SEPTIN2: variants seen among roughly 807,000 people sequenced by gnomAD.
SEPTIN2 encodes the protein septin 2.
SEPTIN2 carries 34 observed loss-of-function variants against 46.5 expected under a neutral mutation model. The observed-to-expected ratio is 0.73, with a 90% CI of 0.56 to 0.97. SEPTIN2 has a LOEUF of 0.97. Ranked by LOEUF, SEPTIN2 falls within the 50% of genes least tolerant of loss-of-function variation. The pLI is 0.00. For synonymous variants in SEPTIN2, 175 were observed against 153.4 expected, an observed-to-expected ratio of 1.14 and a Z score of -1.04; for missense variants, 347 against 448.4, an observed-to-expected ratio of 0.77 and a Z score of 2.04.
chr2:241,348,690 G>C (rs1160288275), intron 11 of SEPTIN2, among the ~76,000 whole-genome samples: 1 of 151,858 alleles, frequency 6.6e-6, no homozygotes, highest in East Asian at 1.9e-4. Flanking sequence ...AATAAACATG[G>C]ATATTTACAT....
intron 7 of SEPTIN2, 122 bp downstream of exon 7, chr2:241,337,912 T>A: frequency 1.6e-6 from 1 of 609,552 alleles, no homozygotes; most frequent in Non-Finnish European, 2.8e-6. Context: ...GGAGAATTTT[T>A]CCTGCATTTT....
chr2:241,342,623 C>T (rs2081412138), intron 7 of SEPTIN2, among the ~76,000 whole-genome samples: 2 of 150,426 alleles, frequency 1.3e-5, no homozygotes, highest in Admixed American at 1.3e-4. Context: ...GCAAGCTCCG[C>T]CTCCCGGGTT....
intron 1 of SEPTIN2, among the ~76,000 whole-genome samples, chr2:241,319,046 CT>C (rs561155769): frequency 3.9e-5 from 6 of 152,078 alleles, no homozygotes; most frequent in African/African-American, 7.2e-5. Context: ...AAAGTGTTTT[CT>C]TTTGATTTTC....
chr2:241,338,982 ATATATT>A (rs1372305257), intron 7 of SEPTIN2, among the ~76,000 whole-genome samples: 2 of 110,866 alleles, frequency 1.8e-5, no homozygotes, highest in Non-Finnish European at 3.3e-5. Context: ...TAATATATAA[ATATATT>A]TATAAATATA....
At chr2:241,327,631 A>G (rs1304402463) in intron 3 of SEPTIN2, among the ~76,000 whole-genome samples, 1 of 152,006 alleles carries the variant, frequency 6.6e-6, no homozygotes, top group Non-Finnish European at 1.5e-5. Context: ...AAACTACACC[A>G]GGACGCATCA....
At chr2:241,334,670 C>T (rs918721862) in intron 3 of SEPTIN2, among the ~76,000 whole-genome samples, 3 of 152,164 alleles carry the variant, frequency 2.0e-5, no homozygotes, top group Non-Finnish European at 2.9e-5. Flanking sequence ...CCTGCTCACA[C>T]GTTTCTGCAG....
chr2:241,315,774 C>G (rs541041365), upstream of SEPTIN2: 1 of 152,532 alleles, frequency 6.6e-6, no homozygotes, highest in African/African-American at 2.4e-5. Flanking sequence ...GGCTTGCGCA[C>G]TCGGAAGCCG....
rs1134941 is a variant in SEPTIN2, at chr2:241,315,963, G to A, written c.-37G>A. On this transcript the variant is annotated 5_prime_UTR_variant, in exon 1 of 13. Coordinates refer to ENST00000391971, the MANE Select transcript of SEPTIN2 (RefSeq NM_004404.5). Reference sequence around the variant, plus strand: ...TCCGCGGCGCGGTCGGTCGGCGCCTGTTCTCGGGCTGTTTGGCGGGTGAGT... The same window carrying A: ...TCCGCGGCGCGGTCGGTCGGCGCCTATTCTCGGGCTGTTTGGCGGGTGAGT... 0.46 allele frequency: 70,636 copies of A among 152,120 alleles called. 16,748 individuals carry two copies. The highest frequency in any genetic ancestry group is 0.58 in the Admixed American group (8,838 of 15,284). 9.4% of individuals were successfully genotyped at this position (152,120 alleles called of 1,614,324 possible).
chr2:241,323,026 A>T (rs531148863), intron 1 of SEPTIN2, among the ~76,000 whole-genome samples: 11 of 152,226 alleles, frequency 7.2e-5, no homozygotes, highest in East Asian at 1.9e-4. Context: ...CAACTTAAAA[A>T]TTTTTTTAAT....
intron 10 of SEPTIN2, 109 bp downstream of exon 10, chr2:241,346,358 G>T: frequency 1.5e-6 from 1 of 685,234 alleles, no homozygotes; most frequent in South Asian, 2.5e-5. Context: ...ACATGGTTTG[G>T]TTTCCTACTC....
At position 241,352,712 on chromosome 2, in the gene SEPTIN2, A is replaced by G. The variant is rs564819208; in HGVS notation, c.*775A>G. On this transcript the variant is annotated 3_prime_UTR_variant, in exon 13 of 13. Transcript: ENST00000391971. ...CCACTAATACTGGTTATCCTGTGCT[A>G]CAGAGAAAATCAAAGCAGTCATAAG... 8 of 152,220 alleles carry G rather than the reference A, an allele frequency of 5.3e-5. No homozygotes were observed. The highest frequency in any genetic ancestry group is 2.6e-4 in the Admixed American group (4 of 15,276). 9.4% of individuals were successfully genotyped at this position (152,220 alleles called of 1,614,324 possible).
At chr2:241,331,924 G>GT (rs1281955707) in intron 3 of SEPTIN2, among the ~76,000 whole-genome samples, 1 of 152,078 alleles carries the variant, frequency 6.6e-6, no homozygotes, top group African/African-American at 2.4e-5. Context: ...AAGTTCAATT[G>GT]TTTTTTTGGT....
chr2:241,348,737 T>G (rs2060507256), intron 11 of SEPTIN2, among the ~76,000 whole-genome samples: 2 of 151,536 alleles, frequency 1.3e-5, no homozygotes, highest in South Asian at 4.1e-4. Context: ...GCTGAAAGAC[T>G]TTGGAGACAA....
chr2:241,323,175 T>A (rs1210858788), intron 1 of SEPTIN2, among the ~76,000 whole-genome samples: 2 of 117,364 alleles, frequency 1.7e-5, no homozygotes, highest in Non-Finnish European at 3.7e-5. Flanking sequence ...CACCATCTAA[T>A]TTTTTTTTTT....
chr2:241,316,452 C>G, intron 1 of SEPTIN2: 1 of 1,505,102 alleles, frequency 6.6e-7, no homozygotes, highest in African/African-American at 1.4e-5. Flanking sequence ...CCCAAACCTC[C>G]AAGCCCATCG....
chr2:241,315,477 G>C (rs1040815813), upstream of SEPTIN2: 3 of 152,328 alleles, frequency 2.0e-5, no homozygotes, highest in Non-Finnish European at 4.4e-5. Flanking sequence ...TCCCGCGACC[G>C]CCTCTCTCCT....
Position 241,352,444 on chromosome 2 carries a change from C to G in SEPTIN2, c.*507C>G, listed in dbSNP as rs910365507. ...CCACTTGGAGATCTTTGCTTCCTTG[C>G]TTTTATGTTTGTACACAACACCTAA... On this transcript the variant is annotated 3_prime_UTR_variant, in exon 13 of 13. Transcript: ENST00000391971. 6.6e-6 allele frequency: 1 copy of G among 152,630 alleles called. No individual in the cohort carries two copies. Among genetic ancestry groups the G allele is most frequent in the African/African-American group, 2.4e-5 (1 of 41,446 alleles). The allele number at this position is 152,630 out of a possible 1,614,324, so 9.5% of individuals were successfully genotyped here.
chr2:241,327,832 C>T (rs370531958), intron 3 of SEPTIN2, among the ~76,000 whole-genome samples: 7 of 150,552 alleles, frequency 4.6e-5, no homozygotes, highest in African/African-American at 1.7e-4. Flanking sequence ...GGGTGGATCA[C>T]TTCAGCCCAG....
At chr2:241,329,078 A>G (rs1308697356) in intron 3 of SEPTIN2, among the ~76,000 whole-genome samples, 2 of 152,062 alleles carry the variant, frequency 1.3e-5, no homozygotes, top group African/African-American at 4.8e-5. Context: ...GGCGGGGAGT[A>G]GAAGTAATGT....
Sources: allele counts gnomAD v4.1 joint callset (sites outside exome capture counted in the v4.1 genomes callset), GRCh38; gene constraint gnomAD v4.1.1; transcripts MANE v1.5; gene names NCBI Gene and HGNC (gene_info 2026-07-23, HGNC 2026-07-21).